BIRC6: variants seen among roughly 807,000 people sequenced by gnomAD.
The protein encoded by BIRC6 is dual E2 ubiquitin-conjugating enzyme/E3 ubiquitin-protein ligase BIRC6.
BIRC6 carries 98 observed loss-of-function variants against 503.3 expected under a neutral mutation model. That is an observed-to-expected ratio of 0.19 (90% CI 0.17 to 0.23). BIRC6 has a LOEUF of 0.23. Ranked by LOEUF, BIRC6 falls within the 10% of genes least tolerant of loss-of-function variation. The pLI, the probability that BIRC6 is intolerant of heterozygous loss-of-function variation, is 1.00. For synonymous variants in BIRC6, 2,240 were observed against 2,078.7 expected, an observed-to-expected ratio of 1.08 and a Z score of -2.11; for missense variants, 5,360 against 5,806.0, an observed-to-expected ratio of 0.92 and a Z score of 2.50.
intron 1 of BIRC6, among the ~76,000 whole-genome samples, chr2:32,369,996 A>ATG (rs1179794635): frequency 8.9e-6 from 1 of 111,914 alleles, no homozygotes; most frequent in Non-Finnish European, 1.8e-5. Context: ...GTATGTATGT[A>ATG]TGTGTGTGTA....
intron 8 of BIRC6, among the ~76,000 whole-genome samples, chr2:32,405,579 GGAGGATCACAA>G (rs2041112888): frequency 6.6e-6 from 1 of 152,110 alleles, no homozygotes; most frequent in South Asian, 2.1e-4. Flanking sequence ...GACCGAGGCG[GGAGGATCACAA>G]GGTCAGGAGA....
intron 9 of BIRC6, among the ~76,000 whole-genome samples, chr2:32,408,788 G>A (rs896952224): frequency 5.3e-5 from 8 of 152,108 alleles, no homozygotes; most frequent in Non-Finnish European, 1.0e-4. Context: ...TGTAAAAATT[G>A]TCTTTATGTA....
At chr2:32,610,325 C>G (rs1204528436) in intron 72 of BIRC6, among the ~76,000 whole-genome samples, 2 of 152,158 alleles carry the variant, frequency 1.3e-5, no homozygotes, top group African/African-American at 4.8e-5. Flanking sequence ...TAGACTCTTA[C>G]TACTATATGT....
chr2:32,468,396 A>G, intron 28 of BIRC6, 41 bp from the exon 29 acceptor site: 1 of 1,429,706 alleles, frequency 7.0e-7, no homozygotes, highest in Non-Finnish European at 9.5e-7. Context: ...CATAAAGAGG[A>G]CATTACAAGA....
intron 21 of BIRC6, among the ~76,000 whole-genome samples, chr2:32,446,744 T>TTG (rs2045993083): frequency 1.6e-5 from 2 of 122,128 alleles, no homozygotes; most frequent in South Asian, 5.8e-4. Flanking sequence ...CGCTGTTTTT[T>TTG]TTTTTTTTTT....
At chr2:32,420,762 T>C (rs1320273533) in intron 10 of BIRC6, among the ~76,000 whole-genome samples, 1 of 152,176 alleles carries the variant, frequency 6.6e-6, no homozygotes, top group East Asian at 1.9e-4. Context: ...TTCACCTGCA[T>C]TGGCCTCCTA....
At chr2:32,568,289 G>A (rs748471538) in intron 65 of BIRC6, among the ~76,000 whole-genome samples, 2 of 150,100 alleles carry the variant, frequency 1.3e-5, no homozygotes, top group East Asian at 2.0e-4. Flanking sequence ...TTAGGAGTTC[G>A]AGACCAGCCT....
chr2:32,546,186 G>A (rs1175636322), intron 63 of BIRC6, among the ~76,000 whole-genome samples: 1 of 152,116 alleles, frequency 6.6e-6, no homozygotes, highest in African/African-American at 2.4e-5. Flanking sequence ...TAGAATGGGG[G>A]TTGTGGGTGG....
chr2:32,481,483 G>A, intron 38 of BIRC6, 30 bp downstream of exon 38: 3 of 1,551,350 alleles, frequency 1.9e-6, no homozygotes. Flanking sequence ...TCTTTGAAAG[G>A]AGGCCGGGCG....
chr2:32,480,795 C>A (rs1427476915), intron 37 of BIRC6, among the ~76,000 whole-genome samples: 1 of 151,778 alleles, frequency 6.6e-6, no homozygotes, highest in East Asian at 1.9e-4. Flanking sequence ...GCGGCCACCA[C>A]CACACCCAGC....
chr2:32,442,795 A>G lies in BIRC6; in HGVS notation c.4238+340A>G, dbSNP rs187259591. On this transcript the variant is annotated intron_variant, in intron 19 of 73. Transcript: ENST00000421745. ...CTTGCCCTAAAGTGTTTTCTCTGTT[A>G]TGTAACAATCTTACCGACTTTTTTT... is the stretch of plus-strand genomic sequence containing the variant. Among the ~76,000 whole-genome samples, 30 of 152,204 alleles carry G rather than the reference A, an allele frequency of 2.0e-4. No individual in the cohort carries two copies. In the East Asian group the frequency reaches 5.6e-3, roughly 28 times the overall value.
At chr2:32,466,073 A>T (rs932410344) in intron 26 of BIRC6, among the ~76,000 whole-genome samples, 1 of 152,142 alleles carries the variant, frequency 6.6e-6, no homozygotes, top group Non-Finnish European at 1.5e-5. Context: ...CCTGAGGAGG[A>T]TAACTATGTT....
chr2:32,490,196 A>C (rs1407951805), intron 43 of BIRC6, 45 bp downstream of exon 43: 2 of 1,433,394 alleles, frequency 1.4e-6, no homozygotes, highest in Non-Finnish European at 2.0e-6. Context: ...CATATACTTT[A>C]GTGTTCTACT....
rs754995895 is a variant in BIRC6 at position 32,617,952 on chromosome 2, C to A, written c.*48C>A. The A allele has an allele frequency of 2.0e-6, 3 of 1,525,810 alleles. No homozygotes were observed. The South Asian group carries it at 3.6e-5, about 18-fold the overall frequency. 94.5% of individuals were successfully genotyped at this position (1,525,810 alleles called of 1,614,324 possible). Reference sequence around the variant, plus strand: ...AGACACAAAGGCTTCGAAGCACAAGCCAAATATGTCAATATTTGTATGTAA... The same window carrying A: ...AGACACAAAGGCTTCGAAGCACAAGACAAATATGTCAATATTTGTATGTAA... On this transcript the variant is annotated 3_prime_UTR_variant, in exon 74 of 74. Transcript: ENST00000421745.
intron 45 of BIRC6, among the ~76,000 whole-genome samples, chr2:32,495,565 C>T (rs1404501417): frequency 6.6e-6 from 1 of 152,130 alleles, no homozygotes; most frequent in East Asian, 1.9e-4. Context: ...TCTTTGGACT[C>T]TGTTTTCACT....
intron 11 of BIRC6, 118 bp from the exon 12 acceptor site, chr2:32,430,747 T>C: frequency 2.9e-6 from 2 of 699,862 alleles, no homozygotes; most frequent in Non-Finnish European, 4.7e-6. Context: ...TTCAGAATAT[T>C]TGGCAAGTGT....
At chr2:32,582,989 A>T (rs1401698455) in intron 66 of BIRC6, among the ~76,000 whole-genome samples, 1 of 152,220 alleles carries the variant, frequency 6.6e-6, no homozygotes, top group Non-Finnish European at 1.5e-5. Context: ...GTAGACTTTA[A>T]GCCGTGTTTT....
rs747273722 is a variant in BIRC6, at chr2:32,504,994, A to G, written c.9500-11A>G. ...CAAGTTCTTATAATTTATGTAAAATATCTTCTCTAGGTACAATCACATCTA... is the reference window on the plus strand; with the variant it reads ...CAAGTTCTTATAATTTATGTAAAATGTCTTCTCTAGGTACAATCACATCTA... On this transcript the variant is annotated splice_polypyrimidine_tract_variant and intron_variant, in intron 49 of 73. Coordinates refer to ENST00000421745, the MANE Select transcript of BIRC6 (RefSeq NM_016252.4). 4 of 1,604,730 alleles carry G rather than the reference A, an allele frequency of 2.5e-6. No individual in the cohort carries two copies. The highest frequency in any genetic ancestry group is 3.4e-6 in the Non-Finnish European group (4 of 1,173,734).
chr2:32,395,713 T>C (rs2039798397), intron 6 of BIRC6, 120 bp downstream of exon 6: 3 of 769,186 alleles, frequency 3.9e-6, no homozygotes, highest in Non-Finnish European at 6.7e-6. Context: ...ATTTTTGTCA[T>C]TGTCCTGAGA....
Sources: gnomAD v4.1 joint callset for allele counts (sites outside exome capture counted in the v4.1 genomes callset) on GRCh38, gnomAD v4.1.1 for gene constraint, MANE v1.5 for transcripts, NCBI Gene and HGNC (gene_info 2026-07-23, HGNC 2026-07-21) for gene names.